The following SLC35F1 variants were observed in gnomAD, a reference collection of about 807,000 sequenced individuals.
The protein encoded by SLC35F1 is chromosome 6 open reading frame 169.
Under a neutral mutation model 48.7 loss-of-function variants are expected in SLC35F1, and 14 were observed. The observed-to-expected ratio is 0.29, with a 90% CI of 0.19 to 0.45. The LOEUF (loss-of-function observed/expected upper bound fraction) is 0.45. SLC35F1 is among the 20% of genes least tolerant of loss of function. SLC35F1 has a pLI of 1.00. For missense variants in SLC35F1, 404 were observed against 500.0 expected (o/e 0.81, Z 1.83); for synonymous variants, 190 against 202.2 (o/e 0.94, Z 0.51).
intron 2 of SLC35F1, among the ~76,000 whole-genome samples, chr6:118,197,022 CAA>C (rs59183480): frequency 3.1e-4 from 39 of 127,522 alleles, no homozygotes; most frequent in Non-Finnish European, 2.5e-4. Flanking sequence ...CTTGCCACAC[CAA>C]AAAAAAAAAA....
At chr6:118,087,710 T>C (rs925987545) in intron 1 of SLC35F1, among the ~76,000 whole-genome samples, 1 of 152,142 alleles carries the variant, frequency 6.6e-6, no homozygotes, top group Non-Finnish European at 1.5e-5. Flanking sequence ...ATCCTACTCA[T>C]CCAAAAAGCT....
intron 1 of SLC35F1, among the ~76,000 whole-genome samples, chr6:118,118,445 C>T (rs1298711514): frequency 6.6e-6 from 1 of 152,122 alleles, no homozygotes; most frequent in African/African-American, 2.4e-5. Flanking sequence ...AAGCTTCCTC[C>T]CAGGAAACAT....
chr6:118,031,559 G>T (rs1217309766), intron 1 of SLC35F1, among the ~76,000 whole-genome samples: 1 of 152,132 alleles, frequency 6.6e-6, no homozygotes, highest in African/African-American at 2.4e-5. Flanking sequence ...CCCAAAGTGG[G>T]GCTTAGCCTG....
intron 1 of SLC35F1, among the ~76,000 whole-genome samples, chr6:118,133,040 G>C (rs1033997707): frequency 2.6e-5 from 4 of 152,142 alleles, no homozygotes; most frequent in African/African-American, 7.2e-5. Context: ...CCTGGATATC[G>C]CATCTTGATG....
intron 2 of SLC35F1, among the ~76,000 whole-genome samples, chr6:118,181,178 G>A (rs1407195515): frequency 6.6e-6 from 1 of 152,106 alleles, no homozygotes; most frequent in Non-Finnish European, 1.5e-5. Flanking sequence ...GAACTAAACT[G>A]AAGAAGGAAT....
intron 1 of SLC35F1, among the ~76,000 whole-genome samples, chr6:117,971,395 C>A (rs1316951478): frequency 6.6e-6 from 1 of 152,220 alleles, no homozygotes; most frequent in Non-Finnish European, 1.5e-5. Context: ...TGTCTGTGGC[C>A]TTTCCAGGTG....
intron 1 of SLC35F1, among the ~76,000 whole-genome samples, chr6:118,137,190 C>T (rs1165542065): frequency 1.3e-5 from 2 of 152,148 alleles, no homozygotes. Context: ...TCCTCTTGAA[C>T]TATACTTGTC....
At position 118,002,214 on chromosome 6, in the gene SLC35F1, T is replaced by A. The variant is rs369255969; in HGVS notation, c.173+94315T>A. Among the ~76,000 whole-genome samples the A allele has an allele frequency of 9.9e-3, 1,506 of 151,382 alleles. 14 individuals carry two copies. Among genetic ancestry groups the A allele is most frequent in the African/African-American group, 0.035 (1,428 of 41,210 alleles). ...TTGGAACCAACCCAAATGTCCAACA[T>A]TGATAGACTGGATTAAGAAAATGTG... On this transcript the variant is annotated intron_variant, in intron 1 of 7. Coordinates refer to ENST00000360388, the MANE Select transcript of SLC35F1 (RefSeq NM_001029858.4).
In SLC35F1 at chr6:118,076,190, A is replaced by C. The variant is rs75009271; in HGVS notation, c.174-78255A>C. 5.4e-3 allele frequency among the ~76,000 whole-genome samples: 820 copies of C among 152,230 alleles called. 20 individuals are homozygous for C. The highest frequency in any genetic ancestry group is 0.038 in the East Asian group (195 of 5,180). ...CTTTGATTGTTAGAATACTTTTCTCACCCCCAAATTACATAAATTATAGTT... is the reference window on the plus strand; with the variant it reads ...CTTTGATTGTTAGAATACTTTTCTCCCCCCCAAATTACATAAATTATAGTT... On this transcript the variant is annotated intron_variant, in intron 1 of 7. Transcript: ENST00000360388.
chr6:117,909,610 T>G lies in SLC35F1; in HGVS notation c.173+1711T>G, dbSNP rs568362963. 8.5e-5 allele frequency among the ~76,000 whole-genome samples: 13 copies of G among 152,280 alleles called. No individual in the cohort carries two copies. In the South Asian group the frequency reaches 2.5e-3, roughly 29 times the overall value. On this transcript the variant is annotated intron_variant, in intron 1 of 7. Transcript: ENST00000360388. Reference sequence around the variant, plus strand: ...TTGGTCTTGGTTTCTTCATTGTAAATTATGTTTAATAATACAGTACTTGTT... The same window carrying G: ...TTGGTCTTGGTTTCTTCATTGTAAAGTATGTTTAATAATACAGTACTTGTT...
intron 3 of SLC35F1, among the ~76,000 whole-genome samples, chr6:118,241,608 T>C (rs1325228871): frequency 6.7e-6 from 1 of 150,344 alleles, no homozygotes; most frequent in African/African-American, 2.4e-5. Flanking sequence ...TGTGTGTGTG[T>C]CTGTGTAGTT....
chr6:117,930,449 G>T (rs1776085592), intron 1 of SLC35F1, among the ~76,000 whole-genome samples: 1 of 152,080 alleles, frequency 6.6e-6, no homozygotes, highest in African/African-American at 2.4e-5. Flanking sequence ...TGTTTTTAGG[G>T]CTTGAAAGGA....
At position 118,316,977 on chromosome 6, in the gene SLC35F1, A is replaced by T. The variant is rs529361230; in HGVS notation, c.*2725A>T. On this transcript the variant is annotated 3_prime_UTR_variant, in exon 8 of 8. Coordinates refer to ENST00000360388, the MANE Select transcript of SLC35F1 (RefSeq NM_001029858.4). ...TGTAAAAAACACTGATCCTTTGGGA[A>T]TGGGGCGGGAAATGGGAGTAGGACA... 1 of 152,756 alleles carries T rather than the reference A, an allele frequency of 6.5e-6. No homozygotes were observed. Among genetic ancestry groups the T allele is most frequent in the African/African-American group, 2.4e-5 (1 of 41,584 alleles). The allele number at this position is 152,756 out of a possible 1,614,324, so 9.5% of individuals were successfully genotyped here. A position where few individuals can be genotyped will look rare whatever the true frequency, so the allele number is the denominator to read the frequency against.
At chr6:118,134,027 T>C (rs1339794218) in intron 1 of SLC35F1, among the ~76,000 whole-genome samples, 5 of 152,248 alleles carry the variant, frequency 3.3e-5, no homozygotes, top group Admixed American at 2.6e-4. Context: ...CACATGTTTG[T>C]GTGTGTCCTT....
At chr6:117,956,159 G>A (rs9387526) in intron 1 of SLC35F1, among the ~76,000 whole-genome samples, 1 of 152,210 alleles carries the variant, frequency 6.6e-6, no homozygotes, top group African/African-American at 2.4e-5. Flanking sequence ...CTTTTCTGCA[G>A]TTGTATTGGA....
intron 3 of SLC35F1, among the ~76,000 whole-genome samples, chr6:118,250,088 A>G (rs1329603719): frequency 6.6e-6 from 1 of 152,228 alleles, no homozygotes; most frequent in East Asian, 1.9e-4. Flanking sequence ...AACATCTACT[A>G]TCTGCCAGGC....
intron 1 of SLC35F1, among the ~76,000 whole-genome samples, chr6:118,036,509 T>G (rs952244435): frequency 6.6e-6 from 1 of 152,162 alleles, no homozygotes; most frequent in African/African-American, 2.4e-5. Context: ...TCTATAAATG[T>G]CAATTAGATC....
At chr6:118,011,853 G>C (rs1185519072) in intron 1 of SLC35F1, among the ~76,000 whole-genome samples, 1 of 152,168 alleles carries the variant, frequency 6.6e-6, no homozygotes, top group Non-Finnish European at 1.5e-5. Context: ...TCCTGTAGTT[G>C]AAAAGCCTAA....
intron 1 of SLC35F1, among the ~76,000 whole-genome samples, chr6:118,005,617 T>A (rs1777163326): frequency 6.6e-6 from 1 of 152,114 alleles, no homozygotes; most frequent in Non-Finnish European, 1.5e-5. Context: ...GTTCTCCCCC[T>A]CCTTGAGAAG....
Sources: gnomAD v4.1 joint callset for allele counts (sites outside exome capture counted in the v4.1 genomes callset) on GRCh38, gnomAD v4.1.1 for gene constraint, MANE v1.5 for transcripts, NCBI Gene and HGNC (gene_info 2026-07-23, HGNC 2026-07-21) for gene names.